ANTXR2: variants seen among roughly 807,000 people sequenced by gnomAD.
The protein encoded by ANTXR2 is ANTXR cell adhesion molecule 2, also known as anthrax toxin receptor 2.
Under a neutral mutation model 73.7 loss-of-function variants are expected in ANTXR2, and 44 were observed. The observed-to-expected ratio is 0.60, with a 90% CI of 0.47 to 0.77. The LOEUF is 0.77. ANTXR2 is among the 30% of genes least tolerant of loss of function. ANTXR2 has a pLI of 0.00. For missense variants in ANTXR2, 604 were observed against 592.5 expected, an observed-to-expected ratio of 1.02 and a Z score of -0.20; for synonymous variants, 217 against 205.9, an observed-to-expected ratio of 1.05 and a Z score of -0.46.
At chr4:80,064,913 A>G (rs1189835440) in intron 3 of ANTXR2, among the ~76,000 whole-genome samples, 6 of 152,244 alleles carry the variant, frequency 3.9e-5, no homozygotes. Context: ...TTTAAGCATG[A>G]GAGTGGAATA....
At chr4:79,956,702 T>C (rs1728898614) in intron 16 of ANTXR2, among the ~76,000 whole-genome samples, 1 of 151,720 alleles carries the variant, frequency 6.6e-6, no homozygotes, top group African/African-American at 2.4e-5. Flanking sequence ...AAATTATGAG[T>C]TCCCTCAACA....
chr4:80,059,363 C>T (rs1734139699), intron 3 of ANTXR2, among the ~76,000 whole-genome samples: 1 of 151,328 alleles, frequency 6.6e-6, no homozygotes, highest in Admixed American at 6.6e-5. Context: ...CATTTAGAGG[C>T]TTCATATATA....
chr4:80,066,434 T>G (rs192561391), intron 3 of ANTXR2, among the ~76,000 whole-genome samples: 1 of 152,350 alleles, frequency 6.6e-6, no homozygotes, highest in South Asian at 2.1e-4. Flanking sequence ...TTATTAAAAC[T>G]TAAAGTGTTT....
chr4:80,045,204 A>G (rs1214924223), intron 7 of ANTXR2, among the ~76,000 whole-genome samples: 1 of 151,826 alleles, frequency 6.6e-6, no homozygotes, highest in African/African-American at 2.4e-5. Context: ...GTCTTATTTT[A>G]GGTAGAATAT....
chr4:79,933,085 C>G (rs1419904607), intron 16 of ANTXR2, among the ~76,000 whole-genome samples: 1 of 152,092 alleles, frequency 6.6e-6, no homozygotes, highest in East Asian at 1.9e-4. Flanking sequence ...ATGGTGCCTT[C>G]CCACGGTGAA....
In ANTXR2 at chr4:79,905,299, G is replaced by A. The variant is rs1203580469; in HGVS notation, c.*2130C>T. Reference sequence around the variant, plus strand: ...TTGGTGTGCACTCATCAGAAATGAAGTGCCCATTTAAGGAAGCCACATTAG... The same window carrying A: ...TTGGTGTGCACTCATCAGAAATGAAATGCCCATTTAAGGAAGCCACATTAG... On this transcript the variant is annotated 3_prime_UTR_variant, in exon 17 of 17. Transcript: ENST00000403729. 1 of 152,144 alleles carries A rather than the reference G, an allele frequency of 6.6e-6. No individual in the cohort carries two copies. Among genetic ancestry groups the A allele is most frequent in the Non-Finnish European group, 1.5e-5 (1 of 68,022 alleles). 9.4% of individuals were successfully genotyped at this position (152,144 alleles called of 1,614,324 possible). A position where few individuals can be genotyped will look rare whatever the true frequency, so the allele number is the denominator to read the frequency against.
chr4:80,023,345 A>G (rs1171405753), intron 10 of ANTXR2, among the ~76,000 whole-genome samples: 1 of 152,124 alleles, frequency 6.6e-6, no homozygotes, highest in African/African-American at 2.4e-5. Context: ...TCACACTCCA[A>G]ATTGGTTTAG....
At chr4:80,024,440 T>G (rs1359005223) in intron 10 of ANTXR2, among the ~76,000 whole-genome samples, 1 of 152,172 alleles carries the variant, frequency 6.6e-6, no homozygotes, top group Admixed American at 6.6e-5. Context: ...GGTGAGTTTA[T>G]AAGTCAAGTA....
intron 7 of ANTXR2, among the ~76,000 whole-genome samples, chr4:80,047,595 G>A (rs1019317610): frequency 5.9e-5 from 9 of 151,654 alleles, no homozygotes; most frequent in African/African-American, 2.2e-4. Context: ...AATTGGTACA[G>A]GAATGAGCTC....
chr4:79,964,973 C>G (rs1026452044), intron 16 of ANTXR2: 3 of 152,346 alleles, frequency 2.0e-5, no homozygotes, highest in South Asian at 4.1e-4. Context: ...AGAGAGGGCC[C>G]GAGCGGGAGA....
intron 16 of ANTXR2, among the ~76,000 whole-genome samples, chr4:79,950,959 T>C (rs998794372): frequency 5.9e-5 from 9 of 152,158 alleles, no homozygotes; most frequent in African/African-American, 2.2e-4. Flanking sequence ...GATTGTCCCA[T>C]TCTGATGGAG....
chr4:79,925,722 C>A lies in ANTXR2; in HGVS notation c.1429-18255G>T, dbSNP rs554007626. ...CATTAAAAATAACACCTTTACAAATCAGCCAGTGAATAAATTAATTAGCAG... is the reference window on the plus strand; with the variant it reads ...CATTAAAAATAACACCTTTACAAATAAGCCAGTGAATAAATTAATTAGCAG... On this transcript the variant is annotated intron_variant, in intron 16 of 16. Transcript: ENST00000403729. Among the ~76,000 whole-genome samples, 3 of 152,208 alleles carry A rather than the reference C, an allele frequency of 2.0e-5. No homozygotes were observed. In the East Asian group the frequency reaches 5.8e-4, roughly 29 times the overall value.
At chr4:80,045,756 A>G (rs1022273668) in intron 7 of ANTXR2, among the ~76,000 whole-genome samples, 2 of 151,704 alleles carry the variant, frequency 1.3e-5, no homozygotes, top group African/African-American at 4.8e-5. Context: ...AAGCAGCAAA[A>G]ACAACTGGAA....
chr4:80,031,003 A>C (rs943427127), intron 10 of ANTXR2, among the ~76,000 whole-genome samples: 4 of 152,060 alleles, frequency 2.6e-5, no homozygotes, highest in Non-Finnish European at 5.9e-5. Flanking sequence ...GTGTATAAAC[A>C]ATTCAAATAA....
intron 16 of ANTXR2, among the ~76,000 whole-genome samples, chr4:79,919,907 AT>A (rs375925588): frequency 1.1e-4 from 2 of 17,776 alleles, no homozygotes; most frequent in African/African-American, 5.2e-4. Flanking sequence ...ATATATATAT[AT>A]ATATATATAT....
At chr4:79,979,956 A>G (rs1729813735) in intron 14 of ANTXR2, among the ~76,000 whole-genome samples, 1 of 152,172 alleles carries the variant, frequency 6.6e-6, no homozygotes, top group African/African-American at 2.4e-5. Context: ...TTCAGAAATG[A>G]TAGGCTTTAG....
rs143766445 is a variant in ANTXR2, at chr4:80,069,584, G to C, written c.225-77C>G. ...TACGATACAGATGTATAGTTAGGGA[G>C]GTTCATTTAAAATTGGTCTCACTGA... On this transcript the variant is annotated intron_variant, in intron 2 of 16. Coordinates refer to ENST00000403729, the MANE Select transcript of ANTXR2 (RefSeq NM_058172.6). 2.3e-5 allele frequency: 28 copies of C among 1,201,450 alleles called. No individual in the cohort carries two copies. In the East Asian group the frequency reaches 7.2e-4, roughly 31 times the overall value. 74.4% of individuals were successfully genotyped at this position (1,201,450 alleles called of 1,614,324 possible). A position where few individuals can be genotyped will look rare whatever the true frequency, so the allele number is the denominator to read the frequency against.
intron 14 of ANTXR2, among the ~76,000 whole-genome samples, chr4:79,979,525 T>C (rs1412441411): frequency 6.6e-6 from 1 of 152,242 alleles, no homozygotes; most frequent in Non-Finnish European, 1.5e-5. Flanking sequence ...CTTACTTAGA[T>C]GTTTTTACCT....
chr4:80,013,873 TG>T (rs1239936555), intron 11 of ANTXR2, among the ~76,000 whole-genome samples: 1 of 152,212 alleles, frequency 6.6e-6, no homozygotes, highest in East Asian at 1.9e-4. Flanking sequence ...CTATAATTAC[TG>T]TCAACCTGAA....
Sources: allele counts gnomAD v4.1 joint callset (sites outside exome capture counted in the v4.1 genomes callset), GRCh38; gene constraint gnomAD v4.1.1; transcripts MANE v1.5; gene names NCBI Gene and HGNC (gene_info 2026-07-23, HGNC 2026-07-21).